The following UGT3A2 variants were observed in gnomAD, a reference collection of about 807,000 sequenced individuals.
UGT3A2 encodes UDP glycosyltransferase family 3 member A2, also known as UDP-glycosyltransferase 3A2.
Under a neutral mutation model 39.8 loss-of-function variants are expected in UGT3A2, and 32 were observed. The observed-to-expected ratio is 0.80, with a 90% CI of 0.61 to 1.08. The LOEUF is 1.08. UGT3A2 is among the 50% of genes least tolerant of loss of function. The pLI, the probability that UGT3A2 is intolerant of heterozygous loss-of-function variation, is 0.00. For synonymous variants in UGT3A2, 241 were observed against 230.7 expected, an observed-to-expected ratio of 1.04 and a Z score of -0.40; for missense variants, 611 against 637.1, an observed-to-expected ratio of 0.96 and a Z score of 0.44.
chr5:36,040,548 G>A (rs1741975056), intron 4 of UGT3A2, among the ~76,000 whole-genome samples: 2 of 152,052 alleles, frequency 1.3e-5, no homozygotes, highest in South Asian at 4.1e-4. Context: ...GCAGAGCACA[G>A]TGACTATAGA....
At chr5:36,049,885 T>C (rs892608741) in intron 3 of UGT3A2, among the ~76,000 whole-genome samples, 2 of 152,150 alleles carry the variant, frequency 1.3e-5, no homozygotes, top group Non-Finnish European at 2.9e-5. Flanking sequence ...GCACTATGTG[T>C]TTGCACATAG....
At position 36,035,406 on chromosome 5, in the gene UGT3A2, T is replaced by C; in HGVS notation, c.*292A>G. 1 of 380,722 alleles carries C rather than the reference T, an allele frequency of 2.6e-6. No homozygotes were observed. The highest frequency in any genetic ancestry group is 4.8e-6 in the Non-Finnish European group (1 of 206,702). 23.6% of individuals were successfully genotyped at this position (380,722 alleles called of 1,614,324 possible). On this transcript the variant is annotated 3_prime_UTR_variant, in exon 7 of 7. Transcript: ENST00000282507. ...GATTTTAAGGCTGGAAATCTGAGGG[T>C]CAGTGGTCCAAGTCACTCAGAGACA...
In UGT3A2 at chr5:36,046,595, TACCAGAC is replaced by T. The variant is rs751059204; in HGVS notation, c.843+2287_843+2293del. On this transcript the variant is annotated intron_variant, in intron 4 of 6. Coordinates refer to ENST00000282507, the MANE Select transcript of UGT3A2 (RefSeq NM_174914.4). ...CTCATGGAGATAGCAGAACGATTGT[TACCAGAC>T]GCTGGGATGGGTAGTTAGGGGCTGG... Among the ~76,000 whole-genome samples the T allele has an allele frequency of 3.4e-4, 51 of 152,170 alleles. 1 individual carries two copies. The highest frequency in any genetic ancestry group is 5.3e-4 in the Non-Finnish European group (36 of 67,992).
intron 4 of UGT3A2, among the ~76,000 whole-genome samples, chr5:36,040,120 A>G (rs550030041): frequency 6.6e-6 from 1 of 152,234 alleles, no homozygotes; most frequent in South Asian, 2.1e-4. Context: ...TGGTGGCAGC[A>G]TAGGGTAAGG....
intron 4 of UGT3A2, among the ~76,000 whole-genome samples, chr5:36,045,619 A>AAAAAG (rs142098023): frequency 0.014 from 2,078 of 151,618 alleles, 26 homozygotes; most frequent in African/African-American, 0.047. Flanking sequence ...AAAAGAAAAG[A>AAAAAG]AAAAGAAAAG....
Position 36,049,318 on chromosome 5 carries a change from G to C in UGT3A2, c.414C>G (p.Asn138Lys), listed in dbSNP as rs199580801. 2.0e-5 allele frequency: 33 copies of C among 1,613,974 alleles called. No individual in the cohort carries two copies. Among genetic ancestry groups the C allele is most frequent in the Admixed American group, 3.3e-5 (2 of 59,982 alleles). ...KDIMDSLKNENFDMVIVETFD... is the reference protein window; with the variant it reads ...KDIMDSLKNEKFDMVIVETFD... ...AAGTTTCAACTATCACCATGTCGAA[G>C]TTCTCATTCTTTAAGGAATCCATGA... is the stretch of plus-strand genomic sequence containing the variant. The change falls in exon 4 of 7, where the codon AAC becomes AAG. Residue 138 changes from asparagine to lysine, a missense_variant. Asn to Lys is a moderately conservative substitution (Grantham distance 94, BLOSUM62 0). Coordinates refer to ENST00000282507, the MANE Select transcript of UGT3A2 (RefSeq NM_174914.4).
chr5:36,066,350 G>A (rs1561500416), intron 1 of UGT3A2, among the ~76,000 whole-genome samples: 1 of 152,178 alleles, frequency 6.6e-6, no homozygotes, highest in Non-Finnish European at 1.5e-5. Context: ...AGCTTAAGGT[G>A]AGCCTCTGAA....
At position 36,035,995 on chromosome 5, in the gene UGT3A2, G is replaced by A. The variant is rs758664015; in HGVS notation, c.1296-21C>T. The A allele has an allele frequency of 2.5e-6, 4 of 1,608,472 alleles. No homozygotes were observed. In the African/African-American group the frequency reaches 4.0e-5, roughly 16 times the overall value. On this transcript the variant is annotated intron_variant, in intron 6 of 6. Coordinates refer to ENST00000282507, the MANE Select transcript of UGT3A2 (RefSeq NM_174914.4). ...TGTATCTGTTGAGAGAGATAGAGAGGGGGCATTACTAATGTGACCTCACAA... is the reference window on the plus strand; with the variant it reads ...TGTATCTGTTGAGAGAGATAGAGAGAGGGCATTACTAATGTGACCTCACAA...
At chr5:36,045,608 AAAAAG>A (rs1439030426) in intron 4 of UGT3A2, among the ~76,000 whole-genome samples, 6 of 151,144 alleles carry the variant, frequency 4.0e-5, no homozygotes, top group Non-Finnish European at 8.8e-5. Flanking sequence ...CTCAAAAAAA[AAAAAG>A]AAAAGAAAAA....
At chr5:36,046,277 A>G (rs1742162875) in intron 4 of UGT3A2, among the ~76,000 whole-genome samples, 1 of 152,266 alleles carries the variant, frequency 6.6e-6, no homozygotes, top group African/African-American at 2.4e-5. Context: ...CCAAAAGAAA[A>G]GAAGTCACTA....
intron 4 of UGT3A2, among the ~76,000 whole-genome samples, chr5:36,047,731 C>T (rs1353269): frequency 0.31 from 47,002 of 152,062 alleles, 9,032 homozygotes; most frequent in Non-Finnish European, 0.42. Context: ...ACAATGTCCT[C>T]CCCTTACTCC....
At chr5:36,063,792 T>C (rs1002403487) in intron 2 of UGT3A2, among the ~76,000 whole-genome samples, 1 of 152,214 alleles carries the variant, frequency 6.6e-6, no homozygotes, top group Admixed American at 6.5e-5. Context: ...GGTGCCACCA[T>C]GTCAAGCTAA....
intron 2 of UGT3A2, among the ~76,000 whole-genome samples, chr5:36,057,255 A>G (rs1405242621): frequency 6.6e-6 from 1 of 152,226 alleles, no homozygotes; most frequent in East Asian, 1.9e-4. Flanking sequence ...AATTCATTAA[A>G]TTGGGCATCT....
intron 4 of UGT3A2, among the ~76,000 whole-genome samples, chr5:36,047,727 T>A (rs552435713): frequency 1.3e-4 from 20 of 152,298 alleles, no homozygotes; most frequent in African/African-American, 3.8e-4. Flanking sequence ...CTTAACAATG[T>A]CCTCCCCTTA....
rs558701278 is a variant in UGT3A2 at position 36,061,888 on chromosome 5, C to T, written c.196+2361G>A. Reference sequence around the variant, plus strand: ...TAAAAGTGTTCCTATTTCTCCACATCCTCTCCAGCACCTGTTGTTTCCTGA... The same window carrying T: ...TAAAAGTGTTCCTATTTCTCCACATTCTCTCCAGCACCTGTTGTTTCCTGA... On this transcript the variant is annotated intron_variant, in intron 2 of 6. Transcript: ENST00000282507. 1.9e-3 allele frequency among the ~76,000 whole-genome samples: 282 copies of T among 151,394 alleles called. 2 individuals are homozygous for T. Among genetic ancestry groups the T allele is most frequent in the African/African-American group, 4.6e-3 (188 of 40,736 alleles).
chr5:36,047,998 A>G (rs1232680920), intron 4 of UGT3A2, among the ~76,000 whole-genome samples: 4 of 151,920 alleles, frequency 2.6e-5, no homozygotes, highest in African/African-American at 9.7e-5. Flanking sequence ...TCTTTCCCCA[A>G]CTCTTCCTGC....
chr5:36,066,513 C>T (rs543116265), intron 1 of UGT3A2, among the ~76,000 whole-genome samples, 183 bp downstream of exon 1: 1 of 152,328 alleles, frequency 6.6e-6, no homozygotes, highest in South Asian at 2.1e-4. Context: ...TTCTTCCCCA[C>T]CTCAGCAATA....
At chr5:36,057,433 G>T (rs1742547514) in intron 2 of UGT3A2, among the ~76,000 whole-genome samples, 1 of 151,650 alleles carries the variant, frequency 6.6e-6, no homozygotes, top group African/African-American at 2.4e-5. Flanking sequence ...AAAACAGAAA[G>T]GATCCACACA....
At chr5:36,065,241 G>A (rs193140591) in intron 1 of UGT3A2, among the ~76,000 whole-genome samples, 1 of 152,244 alleles carries the variant, frequency 6.6e-6, no homozygotes, top group East Asian at 1.9e-4. Flanking sequence ...GCGGGGTGGG[G>A]GTGGAAGGGA....
Sources: gnomAD v4.1 joint callset for allele counts (sites outside exome capture counted in the v4.1 genomes callset) on GRCh38, gnomAD v4.1.1 for gene constraint, MANE v1.5 for transcripts, NCBI Gene and HGNC (gene_info 2026-07-23, HGNC 2026-07-21) for gene names.